The following RBFOX1 variants were observed in gnomAD, a reference collection of about 807,000 sequenced individuals.
RBFOX1 encodes the protein RNA binding protein fox-1 homolog 1.
RBFOX1 carries 8 observed loss-of-function variants against 57.7 expected under a neutral mutation model. The observed-to-expected ratio is 0.14, with a 90% CI of 0.08 to 0.25. The LOEUF (loss-of-function observed/expected upper bound fraction) is 0.25, where lower values mean the gene tolerates loss of function less well. RBFOX1 is among the 10% of genes least tolerant of loss of function. The pLI is 1.00. For synonymous variants in RBFOX1, 326 were observed against 222.4 expected, an observed-to-expected ratio of 1.47 and a Z score of -4.15; for missense variants, 611 against 548.5, an observed-to-expected ratio of 1.11 and a Z score of -1.14.
chr16:7,112,285 C>T (rs570041999), intron 4 of RBFOX1, among the ~76,000 whole-genome samples: 113 of 152,206 alleles, frequency 7.4e-4, no homozygotes, highest in African/African-American at 2.6e-3. Flanking sequence ...TCACTGCAAC[C>T]TCCACCTTTT....
chr16:5,956,663 TATATATA>T (rs2059646337), intron 4 of RBFOX1, among the ~76,000 whole-genome samples: 1 of 47,810 alleles, frequency 2.1e-5, no homozygotes, highest in Admixed American at 2.7e-4. Flanking sequence ...TATATTTATA[TATATATA>T]TATATATATT....
Position 7,140,157 on chromosome 16 carries a change from C to CCTCTCTCTCTCTCTCT in RBFOX1, c.27+88081_27+88096dup, listed in dbSNP as rs57128710. On this transcript the variant is annotated intron_variant, in intron 4 of 15. Coordinates refer to ENST00000550418, the MANE Select transcript of RBFOX1 (RefSeq NM_018723.4). ...CATTCTCTTATTCTCTCCTTCTCTC[C>CCTCTCTCTCTCTCTCT]CTCTCTCTCTCTCTCTCTCTCTCTC... Among the ~76,000 whole-genome samples the CCTCTCTCTCTCTCTCT allele has an allele frequency of 1.9e-3, 134 of 70,850 alleles. 1 individual carries two copies. The highest frequency in any genetic ancestry group is 2.9e-3 in the South Asian group (5 of 1,704). The allele number at this position is 70,850 out of a possible 152,430, so 46.5% of individuals were successfully genotyped here. A position where few individuals can be genotyped will look rare whatever the true frequency, so the allele number is the denominator to read the frequency against.
At chr16:7,021,302 C>CTATA (rs201431947) in intron 3 of RBFOX1, among the ~76,000 whole-genome samples, 6 of 148,732 alleles carry the variant, frequency 4.0e-5, no homozygotes, top group Admixed American at 1.3e-4. Flanking sequence ...TTCTCTCTCT[C>CTATA]TCTATATATA....
intron 2 of RBFOX1, among the ~76,000 whole-genome samples, chr16:6,410,289 G>A (rs913354359): frequency 1.4e-5 from 2 of 145,622 alleles, no homozygotes; most frequent in African/African-American, 5.1e-5. Flanking sequence ...CTGCTGAAAC[G>A]ATGACCTAGG....
intron 15 of RBFOX1, 91 bp downstream of exon 15, chr16:7,709,222 T>C: frequency 8.1e-7 from 1 of 1,227,136 alleles, no homozygotes; most frequent in East Asian, 2.4e-5. Context: ...GTCCTCTCAC[T>C]TCCCGTTAAT....
intron 2 of RBFOX1, among the ~76,000 whole-genome samples, chr16:5,518,707 T>C (rs1211582762): frequency 6.6e-6 from 1 of 152,192 alleles, no homozygotes; most frequent in Non-Finnish European, 1.5e-5. Context: ...GGAGTCCTTT[T>C]ATCTCTTGAC....
intron 2 of RBFOX1, among the ~76,000 whole-genome samples, chr16:6,411,514 A>T (rs2093457963): frequency 6.6e-6 from 1 of 152,244 alleles, no homozygotes; most frequent in Admixed American, 6.5e-5. Flanking sequence ...CTTCATAAAT[A>T]TTAAAATGTC....
At chr16:7,397,164 A>C (rs561044542) in intron 4 of RBFOX1, among the ~76,000 whole-genome samples, 2 of 152,182 alleles carry the variant, frequency 1.3e-5, no homozygotes, top group Non-Finnish European at 2.9e-5. Context: ...TCTTTTACCA[A>C]AATGTTACCA....
At chr16:6,634,961 T>TACATTAAA (rs1470636421) in intron 2 of RBFOX1, among the ~76,000 whole-genome samples, 8 of 141,406 alleles carry the variant, frequency 5.7e-5, no homozygotes, top group African/African-American at 2.0e-4. Flanking sequence ...TTATAATTAT[T>TACATTAAA]ACATATATTA....
intron 3 of RBFOX1, among the ~76,000 whole-genome samples, chr16:6,957,762 C>T (rs367836148): frequency 5.3e-5 from 8 of 152,134 alleles, no homozygotes; most frequent in African/African-American, 1.7e-4. Flanking sequence ...CTGGTTCAAA[C>T]ATCTGTGACT....
intron 2 of RBFOX1, among the ~76,000 whole-genome samples, chr16:6,565,157 G>A (rs1435631158): frequency 2.0e-5 from 3 of 150,112 alleles, no homozygotes; most frequent in Admixed American, 6.6e-5. Context: ...ATTTGCAACA[G>A]GGAAGGTAAA....
At chr16:7,238,834 T>G (rs1236638459) in intron 4 of RBFOX1, among the ~76,000 whole-genome samples, 1 of 152,154 alleles carries the variant, frequency 6.6e-6, no homozygotes, top group African/African-American at 2.4e-5. Context: ...GTTGTTCCCC[T>G]CTATGTGTCC....
At chr16:6,065,256 A>G (rs902060649) in intron 1 of RBFOX1, among the ~76,000 whole-genome samples, 3 of 151,010 alleles carry the variant, frequency 2.0e-5, no homozygotes, top group Admixed American at 6.6e-5. Context: ...GCTGGTCTCA[A>G]ACTCCTGGTC....
chr16:5,892,764 TAGGAAC>T (rs1039053927), intron 4 of RBFOX1, among the ~76,000 whole-genome samples: 1 of 152,126 alleles, frequency 6.6e-6, no homozygotes, highest in East Asian at 1.9e-4. Context: ...TGCTTTATTT[TAGGAAC>T]AGCATGTGCA....
intron 2 of RBFOX1, among the ~76,000 whole-genome samples, chr16:6,620,881 T>C (rs1048287277): frequency 1.3e-5 from 2 of 152,216 alleles, no homozygotes; most frequent in African/African-American, 2.4e-5. Flanking sequence ...TGTATTAGTT[T>C]GATAGGACTG....
intron 4 of RBFOX1, among the ~76,000 whole-genome samples, chr16:7,177,931 G>C (rs1266689352): frequency 6.6e-6 from 1 of 152,180 alleles, no homozygotes; most frequent in African/African-American, 2.4e-5. Flanking sequence ...CCTTTTGTAG[G>C]TGTGCTCAGA....
At chr16:6,637,782 T>A (rs779557980) in intron 2 of RBFOX1, among the ~76,000 whole-genome samples, 3 of 151,838 alleles carry the variant, frequency 2.0e-5, no homozygotes, top group Non-Finnish European at 4.4e-5. Context: ...TGGCGTTATT[T>A]AGCAGGAGGG....
At chr16:5,283,491 G>A (rs1307263871) in intron 1 of RBFOX1, among the ~76,000 whole-genome samples, 1 of 152,052 alleles carries the variant, frequency 6.6e-6, no homozygotes, top group East Asian at 1.9e-4. Flanking sequence ...TTCCAGGAGG[G>A]GTGTTATACC....
At chr16:7,386,896 T>C (rs8050919) in intron 4 of RBFOX1, among the ~76,000 whole-genome samples, 12,362 of 152,166 alleles carry the variant, frequency 0.081, 544 homozygotes, top group East Asian at 0.2. Flanking sequence ...TCTGTTGTTT[T>C]CTGACTTTTT....
Sources: gnomAD v4.1 joint callset for allele counts (sites outside exome capture counted in the v4.1 genomes callset) on GRCh38, gnomAD v4.1.1 for gene constraint, MANE v1.5 for transcripts, NCBI Gene and HGNC (gene_info 2026-07-23, HGNC 2026-07-21) for gene names.